The following HS3ST5 variants were observed in gnomAD, a reference collection of about 807,000 sequenced individuals.
The protein encoded by HS3ST5 is heparan sulfate-glucosamine 3-sulfotransferase 5.
A neutral mutation model predicts 25.4 loss-of-function variants in HS3ST5; 10 were observed. That is an observed-to-expected ratio of 0.39 (90% CI 0.24 to 0.67). The LOEUF is 0.67. Ranked by LOEUF, HS3ST5 falls within the 30% of genes least tolerant of loss-of-function variation. The pLI, the probability that HS3ST5 is intolerant of heterozygous loss-of-function variation, is 0.44. For synonymous variants in HS3ST5, 170 were observed against 162.4 expected (o/e 1.05, Z -0.36); for missense variants, 324 against 420.7 (o/e 0.77, Z 2.01).
At chr6:114,275,720 C>T (rs1773822599) in intron 1 of HS3ST5, among the ~76,000 whole-genome samples, 1 of 151,978 alleles carries the variant, frequency 6.6e-6, no homozygotes, top group South Asian at 2.1e-4. Context: ...TGGCTGTGTT[C>T]TGACAAAACG....
chr6:114,141,004 A>G (rs1777877231), intron 3 of HS3ST5, among the ~76,000 whole-genome samples: 1 of 152,216 alleles, frequency 6.6e-6, no homozygotes, highest in African/African-American at 2.4e-5. Flanking sequence ...AGTACTCAAT[A>G]AGTAGTAACT....
Position 114,145,272 on chromosome 6 carries a change from AAAC to A in HS3ST5, c.-33+23076_-33+23078del, listed in dbSNP as rs201360143. Among the ~76,000 whole-genome samples, 103 of 152,334 alleles carry A rather than the reference AAAC, an allele frequency of 6.8e-4. 1 individual carries two copies. Among genetic ancestry groups the A allele is most frequent in the East Asian group, 3.5e-3 (18 of 5,188 alleles). On this transcript the variant is annotated intron_variant, in intron 3 of 4. Coordinates refer to ENST00000312719, the MANE Select transcript of HS3ST5 (RefSeq NM_153612.4). ...GACTGCCTTGCTAAAACAAAACAAA[AAAC>A]AAAACACCTCACACTGAAATTTCAT...
intron 1 of HS3ST5, among the ~76,000 whole-genome samples, chr6:114,237,205 A>G (rs1251598985): frequency 6.6e-6 from 1 of 152,240 alleles, no homozygotes; most frequent in Non-Finnish European, 1.5e-5. Flanking sequence ...GCTATTGTAC[A>G]GCATCATTTC....
chr6:114,283,273 T>G (rs1207348554), intron 1 of HS3ST5, among the ~76,000 whole-genome samples: 1 of 152,020 alleles, frequency 6.6e-6, no homozygotes, highest in African/African-American at 2.4e-5. Context: ...TGAGCTGTCA[T>G]TATGATTTAT....
chr6:114,148,268 A>T (rs369690886), intron 3 of HS3ST5, among the ~76,000 whole-genome samples: 6 of 152,202 alleles, frequency 3.9e-5, no homozygotes, highest in African/African-American at 1.4e-4. Context: ...CTTACACCTT[A>T]TACAAAAATT....
intron 3 of HS3ST5, among the ~76,000 whole-genome samples, chr6:114,093,078 G>A (rs74580333): frequency 0.022 from 3,409 of 152,252 alleles, 59 homozygotes; most frequent in Non-Finnish European, 0.033. Flanking sequence ...AGTCAGGATT[G>A]TGGAAGTTCA....
At chr6:114,106,794 C>A (rs1290710234) in intron 3 of HS3ST5, among the ~76,000 whole-genome samples, 1 of 151,958 alleles carries the variant, frequency 6.6e-6, no homozygotes, top group Admixed American at 6.6e-5. Context: ...ATCATCTATT[C>A]CTAGAAAATA....
At chr6:114,072,039 T>A (rs1208020690) in intron 3 of HS3ST5, among the ~76,000 whole-genome samples, 1 of 152,170 alleles carries the variant, frequency 6.6e-6, no homozygotes, top group Admixed American at 6.5e-5. Flanking sequence ...GACTGCTTAG[T>A]CTGGGGTTGT....
At chr6:114,265,851 A>T (rs1479717545) in intron 1 of HS3ST5, among the ~76,000 whole-genome samples, 1 of 151,894 alleles carries the variant, frequency 6.6e-6, no homozygotes, top group Non-Finnish European at 1.5e-5. Flanking sequence ...CTGCCAATCC[A>T]TTCTTGGTGT....
chr6:114,243,486 A>T (rs1413485404), intron 1 of HS3ST5, among the ~76,000 whole-genome samples: 2 of 152,246 alleles, frequency 1.3e-5, no homozygotes. Context: ...CTCATTGGTT[A>T]TCATGGGGGT....
intron 1 of HS3ST5, among the ~76,000 whole-genome samples, chr6:114,312,928 G>A (rs1775592590): frequency 6.8e-6 from 1 of 147,542 alleles, no homozygotes; most frequent in African/African-American, 2.5e-5. Flanking sequence ...GGAGGCTGAG[G>A]TGGGAAGATC....
intron 3 of HS3ST5, among the ~76,000 whole-genome samples, chr6:114,124,745 G>A (rs1286798676): frequency 6.6e-6 from 1 of 151,710 alleles, no homozygotes; most frequent in Non-Finnish European, 1.5e-5. Flanking sequence ...TGGTCCATGA[G>A]ACAAAGTAAC....
intron 2 of HS3ST5, among the ~76,000 whole-genome samples, chr6:114,184,690 C>T (rs981937891): frequency 2.0e-5 from 3 of 152,264 alleles, no homozygotes; most frequent in Admixed American, 6.5e-5. Context: ...GATCTCTGTC[C>T]GAAGCTGTGG....
chr6:114,244,868 T>G (rs1323055), intron 1 of HS3ST5, among the ~76,000 whole-genome samples: 1 of 151,902 alleles, frequency 6.6e-6, no homozygotes, highest in Non-Finnish European at 1.5e-5. Flanking sequence ...TCACCTTACA[T>G]TTGCTTCCAT....
Position 114,058,166 on chromosome 6 carries a change from T to C in HS3ST5, c.132A>G (p.Glu44=). The C allele has an allele frequency of 6.2e-7, 1 of 1,607,650 alleles. No individual in the cohort carries two copies. The highest frequency in any genetic ancestry group is 8.5e-7 in the Non-Finnish European group (1 of 1,175,066). Residue 44 remains glutamate (E), a synonymous_variant, in exon 5 of 5, where the codon GAA becomes GAG. Transcript: ENST00000312719. ...LDRLQPICPI[E]GRLGGARTQA... ...GAGTGCGGGCTCCACCCAGTCGACCTTCAATGGGGCAAATGGGTTGTAGCC... is the reference window on the plus strand; with the variant it reads ...GAGTGCGGGCTCCACCCAGTCGACCCTCAATGGGGCAAATGGGTTGTAGCC...
chr6:114,239,833 A>T (rs1027125861), intron 1 of HS3ST5, among the ~76,000 whole-genome samples: 1 of 152,166 alleles, frequency 6.6e-6, no homozygotes, highest in African/African-American at 2.4e-5. Context: ...ATCAATTAAA[A>T]TTTGTTTAAT....
chr6:114,251,486 A>G (rs1772655851), intron 1 of HS3ST5: 2 of 152,204 alleles, frequency 1.3e-5, no homozygotes, highest in Admixed American at 6.5e-5. Flanking sequence ...GTTGCTTCTC[A>G]GCATTTACAT....
At chr6:114,145,708 G>A (rs1409072890) in intron 3 of HS3ST5, among the ~76,000 whole-genome samples, 1 of 152,182 alleles carries the variant, frequency 6.6e-6, no homozygotes, top group Non-Finnish European at 1.5e-5. Context: ...GTTGAGTCTT[G>A]AGCTGCTGCG....
intron 2 of HS3ST5, among the ~76,000 whole-genome samples, chr6:114,207,149 A>G (rs1202030658): frequency 6.6e-6 from 1 of 152,146 alleles, no homozygotes; most frequent in Non-Finnish European, 1.5e-5. Context: ...GCATACTTCC[A>G]TTGTCACACA....
Sources: allele counts gnomAD v4.1 joint callset (sites outside exome capture counted in the v4.1 genomes callset), GRCh38; gene constraint gnomAD v4.1.1; transcripts MANE v1.5; gene names NCBI Gene and HGNC (gene_info 2026-07-23, HGNC 2026-07-21).